The following INPP5D variants were observed in gnomAD, a reference collection of about 807,000 sequenced individuals.
INPP5D encodes the protein phosphatidylinositol 3,4,5-trisphosphate 5-phosphatase 1.
A neutral mutation model predicts 122.9 loss-of-function variants in INPP5D; 33 were observed. That is an observed-to-expected ratio of 0.27 (90% CI 0.20 to 0.36). The LOEUF (loss-of-function observed/expected upper bound fraction) is 0.36. Ranked by LOEUF, INPP5D falls within the 10% of genes least tolerant of loss-of-function variation. INPP5D has a pLI of 1.00. For synonymous variants in INPP5D, 584 were observed against 576.2 expected, an observed-to-expected ratio of 1.01 and a Z score of -0.19; for missense variants, 1,053 against 1,412.7, an observed-to-expected ratio of 0.75 and a Z score of 4.08.
At chr2:233,110,024 A>G (rs184376480) in intron 2 of INPP5D, among the ~76,000 whole-genome samples, 1 of 151,302 alleles carries the variant, frequency 6.6e-6, no homozygotes, top group Non-Finnish European at 1.5e-5. Context: ...AGCTGAGACT[A>G]TAGGCATGTG....
At chr2:233,169,935 C>G in intron 14 of INPP5D, 91 bp from the exon 15 acceptor site, 1 of 1,590,682 alleles carries the variant, frequency 6.3e-7, no homozygotes, top group Non-Finnish European at 8.6e-7. Context: ...CTATGCTCCT[C>G]GCCCCACACC....
chr2:233,084,484 G>A (rs571808038), intron 2 of INPP5D, among the ~76,000 whole-genome samples: 51 of 152,360 alleles, frequency 3.3e-4, no homozygotes, highest in African/African-American at 1.2e-3. Context: ...GAGTTCTAAA[G>A]AAGAGACACT....
chr2:233,126,800 A>T (rs1175773575), intron 4 of INPP5D, among the ~76,000 whole-genome samples: 2 of 152,072 alleles, frequency 1.3e-5, no homozygotes, highest in Non-Finnish European at 2.9e-5. Context: ...GGCGCCTATA[A>T]TCCCAGCTAT....
At chr2:233,138,588 G>C (rs986550981) in intron 5 of INPP5D, among the ~76,000 whole-genome samples, 19 of 152,036 alleles carry the variant, frequency 1.2e-4, no homozygotes, top group Admixed American at 1.2e-3. Flanking sequence ...GAGCTATTGG[G>C]TAATCAGGTC....
intron 24 of INPP5D, among the ~76,000 whole-genome samples, chr2:233,196,752 C>T (rs577653022): frequency 2.2e-4 from 34 of 152,164 alleles, no homozygotes; most frequent in Admixed American, 2.1e-3. Context: ...GCTCACCAGC[C>T]GAGGAGGCAG....
chr2:233,140,425 A>T (rs1486534588), intron 6 of INPP5D: 2 of 152,242 alleles, frequency 1.3e-5, no homozygotes, highest in African/African-American at 4.8e-5. Context: ...CAAGTTTTTT[A>T]AAAAAGCAAA....
At position 233,164,296 on chromosome 2, in the gene INPP5D, C is replaced by A; in HGVS notation, c.1438-11C>A. 6.5e-7 allele frequency: 1 copy of A among 1,546,134 alleles called. No homozygotes were observed. The highest frequency in any genetic ancestry group is 1.2e-5 in the South Asian group (1 of 83,268). ...CTTGGGCCGAGTATTGCAACGTTGT[C>A]CTCCCACCAGGTCGCCATCCACACG... On this transcript the variant is annotated splice_polypyrimidine_tract_variant and intron_variant, in intron 12 of 26. Transcript: ENST00000445964. The surrounding 1 kb of genome is among the most constrained non-coding windows in gnomAD (Gnocchi z 4.3).
chr2:233,150,303 TA>T (rs1693889434), intron 9 of INPP5D, among the ~76,000 whole-genome samples: 1 of 152,208 alleles, frequency 6.6e-6, no homozygotes. Flanking sequence ...GATGGTTTTA[TA>T]AAGGGTAGTT....
At chr2:233,162,471 A>G (rs888234130) in intron 11 of INPP5D, among the ~76,000 whole-genome samples, 14 of 150,954 alleles carry the variant, frequency 9.3e-5, no homozygotes, top group Non-Finnish European at 1.9e-4. Context: ...CTAATAATAT[A>G]CTAAATATAT....
At position 233,178,760 on chromosome 2, in the gene INPP5D, A is replaced by G. The variant is rs529554469; in HGVS notation, c.2071+1414A>G. Among the ~76,000 whole-genome samples the G allele has an allele frequency of 2.0e-5, 3 of 152,304 alleles. No homozygotes were observed. The South Asian group carries it at 6.2e-4, about 32-fold the overall frequency. On this transcript the variant is annotated intron_variant, in intron 18 of 26. Coordinates refer to ENST00000445964, the MANE Select transcript of INPP5D (RefSeq NM_001017915.3). ...CAGCCTCCCCAGGTGCTGGGATTACAGGCCTGAGTCACTGCGCCAGGCCCA... is the reference window on the plus strand; with the variant it reads ...CAGCCTCCCCAGGTGCTGGGATTACGGGCCTGAGTCACTGCGCCAGGCCCA...
chr2:233,176,638 A>AG (rs368777307), intron 17 of INPP5D, among the ~76,000 whole-genome samples: 2,978 of 3,010 alleles, frequency 0.99, 1,482 homozygotes, highest in Middle Eastern at 1. Context: ...ATGGATGGCT[A>AG]GTCGGTGGGT....
chr2:233,184,348 T>C, intron 19 of INPP5D, 60 bp from the exon 20 acceptor site: 1 of 1,585,584 alleles, frequency 6.3e-7, no homozygotes, highest in Non-Finnish European at 8.6e-7. Context: ...GAGAACTAAT[T>C]TGAAATGCTC....
chr2:233,199,885 C>A (rs560517988), intron 25 of INPP5D, among the ~76,000 whole-genome samples: 5 of 152,304 alleles, frequency 3.3e-5, no homozygotes, highest in African/African-American at 9.6e-5. Context: ...ATCTCCCGCT[C>A]CCTAGAGGGC....
chr2:233,143,457 G>A (rs1289052742), intron 6 of INPP5D, among the ~76,000 whole-genome samples: 3 of 152,222 alleles, frequency 2.0e-5, no homozygotes, highest in Non-Finnish European at 4.4e-5. Context: ...CTGTGTTACC[G>A]TTTCAATTAT....
chr2:233,060,607 C>T lies in INPP5D; in HGVS notation c.129C>T (p.Cys43=), dbSNP rs372692460. The change falls in exon 1 of 27, where the codon TGC becomes TGT. Residue 43 remains cysteine (C), a synonymous_variant. Coordinates refer to ENST00000445964, the MANE Select transcript of INPP5D (RefSeq NM_001017915.3). ...CCATCTCCCGGGCATACGCGCTCTGCGTGCTGTGAGTACAACCTGCTCCCT... is the reference window on the plus strand; with the variant it reads ...CCATCTCCCGGGCATACGCGCTCTGTGTGCTGTGAGTACAACCTGCTCCCT... The part of the protein sequence containing the change: ...SESISRAYAL[C]VLYRNCVYTY... 20 of 1,613,820 alleles carry T rather than the reference C, an allele frequency of 1.2e-5. No individual in the cohort carries two copies. In the African/African-American group the frequency reaches 1.6e-4, roughly 13 times the overall value.
rs369699667 is a variant in INPP5D, at chr2:233,152,792, G to T, written c.1030+5198G>T. ...GGCTGGACAGGGGCCAGGCATGTGG[G>T]CTTGCTGAGCCAGAGTACCAGCTCA... On this transcript the variant is annotated intron_variant, in intron 9 of 26. Transcript: ENST00000445964. Among the ~76,000 whole-genome samples the T allele has an allele frequency of 4.2e-4, 64 of 152,318 alleles. No individual in the cohort carries two copies. In the East Asian group the frequency reaches 0.012, roughly 28 times the overall value.
At chr2:233,165,514 G>A (rs183402695) in intron 13 of INPP5D, among the ~76,000 whole-genome samples, 135 of 149,880 alleles carry the variant, frequency 9.0e-4, no homozygotes, top group Admixed American at 7.5e-3. Context: ...ATGTGAGTCC[G>A]TGTGTGTGTA....
Position 233,147,488 on chromosome 2 carries a change from G to A in INPP5D, c.924G>A (p.Leu308=). Residue 308 remains leucine (L), a synonymous_variant, in exon 9 of 27, where the codon CTG becomes CTA. Coordinates refer to ENST00000445964, the MANE Select transcript of INPP5D (RefSeq NM_001017915.3). ...CTTCTAAGGTGAAGGCAGAGTCTCT[G>A]GGGATTCCTCAGAAAATGCAGCTCA... ...PVTFEVKAES[L]GIPQKMQLKV... The A allele has an allele frequency of 1.4e-6, 1 of 704,286 alleles. No individual in the cohort carries two copies. The highest frequency in any genetic ancestry group is 2.3e-4 in the Middle Eastern group (1 of 4,370). The allele number at this position is 704,286 out of a possible 1,614,324, so 43.6% of individuals were successfully genotyped here. A position where few individuals can be genotyped will look rare whatever the true frequency, so the allele number is the denominator to read the frequency against.
At position 233,206,699 on chromosome 2, in the gene INPP5D, C is replaced by A; in HGVS notation, c.3568-7C>A. The A allele has an allele frequency of 1.3e-6, 1 of 773,250 alleles. No individual in the cohort carries two copies. The highest frequency in any genetic ancestry group is 2.4e-6 in the Non-Finnish European group (1 of 414,694). The allele number at this position is 773,250 out of a possible 1,614,324, so 47.9% of individuals were successfully genotyped here. A position where few individuals can be genotyped will look rare whatever the true frequency, so the allele number is the denominator to read the frequency against. ...GCCCTGACAGCCCTTCTGTTCTTGT[C>A]CCACAGTGAAGCCCTCAGTGAGCTG... is the stretch of plus-strand genomic sequence containing the variant. On this transcript the variant is annotated splice_region_variant and splice_polypyrimidine_tract_variant and intron_variant, in intron 26 of 26. Transcript: ENST00000445964. This position sits in a 1 kb window ranked among gnomAD's most constrained non-coding sequence, Gnocchi z 4.0.
Sources: allele counts gnomAD v4.1 joint callset (sites outside exome capture counted in the v4.1 genomes callset), GRCh38; gene constraint gnomAD v4.1.1; non-coding constraint Gnocchi (gnomAD v3.1); transcripts MANE v1.5; gene names NCBI Gene and HGNC (gene_info 2026-07-23, HGNC 2026-07-21).